NTRK3: variants seen among roughly 807,000 people sequenced by gnomAD.
NTRK3 encodes the protein neurotrophic receptor tyrosine kinase 3.
NTRK3 carries 24 observed loss-of-function variants against 91.7 expected under a neutral mutation model. The observed-to-expected ratio is 0.26, with a 90% CI of 0.19 to 0.37. NTRK3 has a LOEUF of 0.37. NTRK3 is among the 10% of genes least tolerant of loss of function. The pLI is 1.00. For missense variants in NTRK3, 880 were observed against 1,068.9 expected (o/e 0.82, Z 2.46); for synonymous variants, 483 against 404.0 (o/e 1.20, Z -2.34).
At chr15:88,089,820 C>T (rs556883858) in intron 13 of NTRK3, among the ~76,000 whole-genome samples, 1 of 152,330 alleles carries the variant, frequency 6.6e-6, no homozygotes, top group South Asian at 2.1e-4. Context: ...TACAGGTCTG[C>T]TCATGCCCTC....
chr15:87,937,167 C>A (rs990416746), intron 15 of NTRK3, among the ~76,000 whole-genome samples: 3 of 152,184 alleles, frequency 2.0e-5, no homozygotes, highest in African/African-American at 7.2e-5. Context: ...ACACTCCCTG[C>A]AAGTTGGATA....
At chr15:87,872,677 G>A in exon 19 of NTRK3, 1 of 232,380 alleles carries the variant, frequency 4.3e-6, no homozygotes, top group Non-Finnish European at 8.5e-6. Flanking sequence ...TGTCTGCCTG[G>A]CTCCCTGTAC....
intron 17 of NTRK3, among the ~76,000 whole-genome samples, chr15:87,902,228 G>A (rs763800587): frequency 1.3e-5 from 2 of 152,194 alleles, no homozygotes; most frequent in African/African-American, 2.4e-5. Context: ...TGCTTCCTGT[G>A]TCTTTCTCTT....
At chr15:88,168,786 C>T (rs2045238062) in intron 5 of NTRK3, among the ~76,000 whole-genome samples, 1 of 152,224 alleles carries the variant, frequency 6.6e-6, no homozygotes, top group South Asian at 2.1e-4. Flanking sequence ...CAGGTACCTG[C>T]TCCTGAGAGG....
Position 88,255,784 on chromosome 15 carries a change from C to A in NTRK3, c.248+122G>T. 8.9e-6 allele frequency: 7 copies of A among 787,230 alleles called. No homozygotes were observed. The South Asian group carries it at 2.5e-4, about 28-fold the overall frequency. The allele number at this position is 787,230 out of a possible 1,614,324, so 48.8% of individuals were successfully genotyped here. A position where few individuals can be genotyped will look rare whatever the true frequency, so the allele number is the denominator to read the frequency against. On this transcript the variant is annotated intron_variant, in intron 3 of 18. Transcript: ENST00000394480. The surrounding 1 kb of genome is among the most constrained non-coding windows in gnomAD (Gnocchi z 4.3). ...CGAGCCAGAGCGAGCCTGACGCGCG[C>A]CCAGCGGGCGGCGGGCAGCGGCGAG...
rs533439469 is a variant in NTRK3 at position 88,070,361 on chromosome 15, G to A, written c.1397-37316C>T. On this transcript the variant is annotated intron_variant, in intron 13 of 18. Coordinates refer to ENST00000394480, the Ensembl canonical transcript of NTRK3. ...GATCGTCCCCCAACTTGAGCCAGAA[G>A]GAAGGCAAGCAGGGGCGGGCTACCC... is the stretch of plus-strand genomic sequence containing the variant. Among the ~76,000 whole-genome samples, 27 of 152,140 alleles carry A rather than the reference G, an allele frequency of 1.8e-4. No homozygotes were observed. The East Asian group carries it at 5.1e-3, about 28-fold the overall frequency.
At chr15:87,902,276 T>C (rs1024419799) in intron 17 of NTRK3, among the ~76,000 whole-genome samples, 1 of 152,226 alleles carries the variant, frequency 6.6e-6, no homozygotes, top group Non-Finnish European at 1.5e-5. Flanking sequence ...CCCACTCTTG[T>C]AGAAATGGCA....
exon 19 of NTRK3, chr15:87,868,515 T>A (rs1459654218): frequency 9.1e-6 from 2 of 219,282 alleles, no homozygotes; most frequent in African/African-American, 4.5e-5. Flanking sequence ...GAGAAAATTG[T>A]TATCCAGACT....
chr15:87,992,300 T>C (rs1033032155), intron 14 of NTRK3, among the ~76,000 whole-genome samples: 1 of 152,192 alleles, frequency 6.6e-6, no homozygotes, highest in African/African-American at 2.4e-5. Context: ...CTGACCACAC[T>C]GTATGCCTTT....
rs1015541401 is a variant in NTRK3, at chr15:88,043,546, A to G, written c.1397-10501T>C. On this transcript the variant is annotated intron_variant, in intron 13 of 18. Transcript: ENST00000394480. ...GCCATGTTGAACTGCTACAGTCCTC[A>G]TGCCTCCACCCACTCACATCATGTC... Among the ~76,000 whole-genome samples the G allele has an allele frequency of 4.3e-4, 66 of 152,176 alleles. 1 individual carries two copies. Among genetic ancestry groups the G allele is most frequent in the African/African-American group, 1.6e-3 (65 of 41,458 alleles).
intron 13 of NTRK3, among the ~76,000 whole-genome samples, chr15:88,063,239 C>T (rs1404210888): frequency 2.6e-5 from 4 of 152,186 alleles, no homozygotes; most frequent in Admixed American, 2.0e-4. Flanking sequence ...TCAACAATGA[C>T]GATGACAAGG....
intron 17 of NTRK3, among the ~76,000 whole-genome samples, chr15:87,910,353 C>T (rs1331744828): frequency 1.3e-5 from 2 of 152,188 alleles, no homozygotes; most frequent in African/African-American, 2.4e-5. Flanking sequence ...TAAGGAAAGA[C>T]ATAGCAGGCT....
At chr15:87,861,144 A>G (rs16940915) in exon 19 of NTRK3, 8,521 of 224,836 alleles carry the variant, frequency 0.038, 754 homozygotes, top group African/African-American at 0.18. Flanking sequence ...TTGCCAATAT[A>G]TTTATGCAAA....
At chr15:88,009,833 C>T (rs1004134094) in intron 14 of NTRK3, among the ~76,000 whole-genome samples, 2 of 152,128 alleles carry the variant, frequency 1.3e-5, no homozygotes, top group South Asian at 2.1e-4. Flanking sequence ...CAGGAGGCAC[C>T]TCTGCTCCTG....
At chr15:88,089,931 T>C (rs1017959811) in intron 13 of NTRK3, among the ~76,000 whole-genome samples, 2 of 152,160 alleles carry the variant, frequency 1.3e-5, no homozygotes, top group Non-Finnish European at 2.9e-5. Flanking sequence ...CTGCATAAAC[T>C]CACTGGCTTA....
intron 13 of NTRK3, among the ~76,000 whole-genome samples, chr15:88,083,650 A>G (rs1411660104): frequency 6.6e-6 from 1 of 152,230 alleles, no homozygotes; most frequent in East Asian, 1.9e-4. Context: ...CTCACATGTC[A>G]TTGTGGCTCA....
intron 13 of NTRK3, among the ~76,000 whole-genome samples, chr15:88,045,567 G>C (rs1267855801): frequency 6.6e-6 from 1 of 152,182 alleles, no homozygotes; most frequent in African/African-American, 2.4e-5. Flanking sequence ...ACTTCCTAGA[G>C]CTGCCATAAC....
chr15:88,154,110 C>CAAAAAAAAAAAAAAAAA (rs397736752), intron 5 of NTRK3, among the ~76,000 whole-genome samples: 1 of 86,640 alleles, frequency 1.2e-5, no homozygotes, highest in African/African-American at 4.0e-5. Flanking sequence ...ATAGACTTTG[C>CAAAAAAAAAAAAAAAAA]AAAAAAAAAA....
intron 13 of NTRK3, among the ~76,000 whole-genome samples, chr15:88,048,653 T>G (rs1158149178): frequency 6.6e-6 from 1 of 152,178 alleles, no homozygotes. Context: ...ATCTGGCCCC[T>G]CCTTTTCCTG....
Sources: allele counts gnomAD v4.1 joint callset (sites outside exome capture counted in the v4.1 genomes callset), GRCh38; gene constraint gnomAD v4.1.1; non-coding constraint Gnocchi (gnomAD v3.1); transcripts MANE v1.5; gene names NCBI Gene and HGNC (gene_info 2026-07-23, HGNC 2026-07-21).